Variants in KCNH7 observed in about 807,000 individuals in gnomAD.
The protein encoded by KCNH7 is potassium voltage-gated channel subfamily H member 7.
A neutral mutation model predicts 120.8 loss-of-function variants in KCNH7; 49 were observed. The observed-to-expected ratio is 0.41, with a 90% CI of 0.32 to 0.51. The LOEUF (loss-of-function observed/expected upper bound fraction) is 0.51, where lower values mean the gene tolerates loss of function less well. Among genes scored for constraint, KCNH7 ranks in the 20% least tolerant of loss-of-function variants. KCNH7 has a pLI of 0.38. For synonymous variants in KCNH7, 547 were observed against 516.1 expected, an observed-to-expected ratio of 1.06 and a Z score of -0.81; for missense variants, 1,097 against 1,446.6, an observed-to-expected ratio of 0.76 and a Z score of 3.92.
intron 2 of KCNH7, among the ~76,000 whole-genome samples, chr2:162,607,675 G>T (rs572201711): frequency 3.9e-5 from 6 of 152,044 alleles, no homozygotes; most frequent in African/African-American, 1.4e-4. Flanking sequence ...TTAAAGCTAT[G>T]TAAAATAATC....
chr2:162,781,203 C>T (rs1448773167), intron 2 of KCNH7, among the ~76,000 whole-genome samples: 13 of 152,082 alleles, frequency 8.5e-5, no homozygotes, highest in Admixed American at 7.9e-4. Flanking sequence ...ATTTTGTCTT[C>T]AGCATTGTGC....
intron 2 of KCNH7, among the ~76,000 whole-genome samples, chr2:162,647,105 G>A (rs762036885): frequency 2.6e-5 from 4 of 152,142 alleles, no homozygotes; most frequent in Non-Finnish European, 4.4e-5. Context: ...GAGGTTGCTG[G>A]CTCCAAAAAG....
At chr2:162,820,188 C>T (rs192931509) in intron 2 of KCNH7, among the ~76,000 whole-genome samples, 1 of 141,240 alleles carries the variant, frequency 7.1e-6, no homozygotes, top group African/African-American at 2.6e-5. Flanking sequence ...TACAGGCGCC[C>T]AGCACCACGC....
chr2:162,712,068 G>A (rs1686947789), intron 2 of KCNH7, among the ~76,000 whole-genome samples: 1 of 152,080 alleles, frequency 6.6e-6, no homozygotes, highest in Admixed American at 6.6e-5. Flanking sequence ...ATCAAAGTGT[G>A]CTTTGCCCTC....
chr2:162,454,174 G>T (rs1340284492), intron 6 of KCNH7, among the ~76,000 whole-genome samples: 1 of 152,108 alleles, frequency 6.6e-6, no homozygotes, highest in Non-Finnish European at 1.5e-5. Context: ...TCTGCATATG[G>T]CTAGCCAGTT....
chr2:162,599,324 T>C (rs1159379500), intron 2 of KCNH7, among the ~76,000 whole-genome samples: 1 of 152,050 alleles, frequency 6.6e-6, no homozygotes, highest in Admixed American at 6.6e-5. Flanking sequence ...TCCACATAAG[T>C]ATTTCCCCCT....
At chr2:162,728,170 C>T (rs1687595459) in intron 2 of KCNH7, among the ~76,000 whole-genome samples, 2 of 143,006 alleles carry the variant, frequency 1.4e-5, no homozygotes, top group African/African-American at 2.6e-5. Context: ...ACTTAATCAG[C>T]TTTTTTTTTT....
At chr2:162,646,963 T>A (rs1237740402) in intron 2 of KCNH7, among the ~76,000 whole-genome samples, 1 of 152,200 alleles carries the variant, frequency 6.6e-6, no homozygotes, top group Non-Finnish European at 1.5e-5. Context: ...TGTATTGTTT[T>A]AACCTGATCT....
intron 2 of KCNH7, among the ~76,000 whole-genome samples, chr2:162,768,745 A>T (rs999352092): frequency 2.0e-5 from 3 of 151,982 alleles, no homozygotes; most frequent in Non-Finnish European, 4.4e-5. Context: ...GAAAGTGTGA[A>T]TGCAGGCTGT....
intron 2 of KCNH7, among the ~76,000 whole-genome samples, chr2:162,659,740 C>G (rs1051662139): frequency 2.6e-5 from 4 of 152,034 alleles, no homozygotes; most frequent in Non-Finnish European, 4.4e-5. Context: ...ATATTGGTCT[C>G]TAGTTTTTTT....
intron 12 of KCNH7, among the ~76,000 whole-genome samples, chr2:162,389,227 A>G (rs1016623881): frequency 1.3e-5 from 2 of 151,920 alleles, no homozygotes; most frequent in Non-Finnish European, 2.9e-5. Flanking sequence ...AGCAAAAGTA[A>G]GAGGGTCTTC....
chr2:162,380,107 AAGGATCGGAGTATAACCTG>A lies in KCNH7; in HGVS notation c.2963-105_2963-87del, dbSNP rs1270204645. The A allele has an allele frequency of 8.0e-6, 12 of 1,492,252 alleles. No homozygotes were observed. The East Asian group carries it at 2.3e-4, about 28-fold the overall frequency. 92.4% of individuals were successfully genotyped at this position (1,492,252 alleles called of 1,614,324 possible). On this transcript the variant is annotated intron_variant, in intron 13 of 15. Transcript: ENST00000332142. The stretch of plus-strand genomic sequence containing the variant: ...ATAGATATCCACAAGACAAGCTGGA[AAGGATCGGAGTATAACCTG>A]AGAGACAGAGAACCAAAAGTATTCA...
At chr2:162,548,589 A>T (rs1185136848) in intron 2 of KCNH7, among the ~76,000 whole-genome samples, 1 of 152,026 alleles carries the variant, frequency 6.6e-6, no homozygotes, top group Admixed American at 6.6e-5. Flanking sequence ...TTGTTCACCC[A>T]GCAGCACACA....
chr2:162,611,088 T>C (rs924614313), intron 2 of KCNH7, among the ~76,000 whole-genome samples: 1 of 152,188 alleles, frequency 6.6e-6, no homozygotes, highest in African/African-American at 2.4e-5. Flanking sequence ...AGGCATGTCA[T>C]GTGGTTTAAG....
At chr2:162,605,013 TATTA>T (rs1286948467) in intron 2 of KCNH7, among the ~76,000 whole-genome samples, 1 of 152,110 alleles carries the variant, frequency 6.6e-6, no homozygotes, top group African/African-American at 2.4e-5. Flanking sequence ...TTCAAATGCT[TATTA>T]ATTATTTCAT....
chr2:162,761,942 T>C (rs971661184), intron 2 of KCNH7, among the ~76,000 whole-genome samples: 2 of 152,094 alleles, frequency 1.3e-5, no homozygotes, highest in Admixed American at 1.3e-4. Flanking sequence ...AACTTTTTTC[T>C]CCCTTAATGT....
At chr2:162,585,807 T>G (rs938636804) in intron 2 of KCNH7, among the ~76,000 whole-genome samples, 1 of 151,942 alleles carries the variant, frequency 6.6e-6, no homozygotes, top group Non-Finnish European at 1.5e-5. Flanking sequence ...AAGAATAGTG[T>G]TGGAGTTGAT....
chr2:162,703,635 T>C (rs1207057658), intron 2 of KCNH7, among the ~76,000 whole-genome samples: 1 of 152,160 alleles, frequency 6.6e-6, no homozygotes, highest in African/African-American at 2.4e-5. Context: ...GTCTACTTGA[T>C]AGCTAATCTC....
intron 2 of KCNH7, among the ~76,000 whole-genome samples, chr2:162,664,566 C>G (rs1435456433): frequency 6.6e-6 from 1 of 152,084 alleles, no homozygotes; most frequent in Admixed American, 6.6e-5. Context: ...GCATCCTGTT[C>G]TTGCTGCACT....
Sources: gnomAD v4.1 joint callset for allele counts (sites outside exome capture counted in the v4.1 genomes callset) on GRCh38, gnomAD v4.1.1 for gene constraint, MANE v1.5 for transcripts, NCBI Gene and HGNC (gene_info 2026-07-23, HGNC 2026-07-21) for gene names.